Variants in DAW1 observed in about 807,000 individuals in gnomAD.
DAW1 encodes the protein dynein assembly factor with WD repeat domains 1.
Under a neutral mutation model 56.5 loss-of-function variants are expected in DAW1, and 47 were observed. The observed-to-expected ratio is 0.83, with a 90% CI of 0.66 to 1.06. The LOEUF is 1.06. Ranked by LOEUF, DAW1 falls within the 50% of genes least tolerant of loss-of-function variation. The pLI is 0.00. For synonymous variants in DAW1, 190 were observed against 179.0 expected, an observed-to-expected ratio of 1.06 and a Z score of -0.49; for missense variants, 505 against 499.3, an observed-to-expected ratio of 1.01 and a Z score of -0.11.
intron 10 of DAW1, 63 bp downstream of exon 10, chr2:227,907,315 A>G: frequency 7.5e-7 from 1 of 1,329,810 alleles, no homozygotes; most frequent in Non-Finnish European, 1.1e-6. Flanking sequence ...ATAACCATGC[A>G]TAATTCTACA....
At chr2:227,882,811 T>C (rs1002807255) in intron 1 of DAW1, among the ~76,000 whole-genome samples, 1 of 152,196 alleles carries the variant, frequency 6.6e-6, no homozygotes, top group Admixed American at 6.5e-5. Flanking sequence ...GTTTGGTAGT[T>C]CCTCCTGCAT....
intron 1 of DAW1, among the ~76,000 whole-genome samples, chr2:227,882,262 A>C (rs1020192350): frequency 6.6e-6 from 1 of 152,238 alleles, no homozygotes; most frequent in Non-Finnish European, 1.5e-5. Context: ...CTTATTTTTC[A>C]TAATAACAAT....
chr2:227,896,612 GT>G (rs1691414173), intron 5 of DAW1, among the ~76,000 whole-genome samples: 1 of 151,762 alleles, frequency 6.6e-6, no homozygotes, highest in African/African-American at 2.4e-5. Flanking sequence ...GTGTGTGTGT[GT>G]GTGTGTGTGT....
intron 4 of DAW1, among the ~76,000 whole-genome samples, chr2:227,892,543 T>G (rs1691289849): frequency 6.6e-6 from 1 of 152,240 alleles, no homozygotes; most frequent in African/African-American, 2.4e-5. Flanking sequence ...AGGGCATATA[T>G]TTCAACCCAT....
At chr2:227,906,721 T>G (rs1165720327) in intron 9 of DAW1, among the ~76,000 whole-genome samples, 1 of 152,244 alleles carries the variant, frequency 6.6e-6, no homozygotes, top group African/African-American at 2.4e-5. Flanking sequence ...TACTATGGAA[T>G]TATCATTTGT....
chr2:227,876,579 T>C, intron 1 of DAW1: 1 of 1,149,078 alleles, frequency 8.7e-7, no homozygotes, highest in Non-Finnish European at 1.1e-6. Context: ...CTTCTGCATA[T>C]AGAGCAGTTT....
chr2:227,915,357 G>A (rs1395221067), intron 10 of DAW1, among the ~76,000 whole-genome samples: 2 of 151,994 alleles, frequency 1.3e-5, no homozygotes, highest in Non-Finnish European at 2.9e-5. Flanking sequence ...CATCACTTGT[G>A]TGTCATCAAC....
chr2:227,917,150 G>A (rs373053168), intron 10 of DAW1, among the ~76,000 whole-genome samples: 20,328 of 129,724 alleles, frequency 0.16, 1,487 homozygotes, highest in Middle Eastern at 0.22. Flanking sequence ...CTATCTGTCT[G>A]TCTGTCTGTC....
intron 6 of DAW1, among the ~76,000 whole-genome samples, chr2:227,902,559 C>T (rs908233889): frequency 6.6e-6 from 1 of 152,030 alleles, no homozygotes; most frequent in African/African-American, 2.4e-5. Flanking sequence ...GGGCATGGGT[C>T]TGGGGGAACT....
At chr2:227,885,917 C>T (rs532687453) in intron 2 of DAW1, among the ~76,000 whole-genome samples, 3 of 151,834 alleles carry the variant, frequency 2.0e-5, no homozygotes, top group Non-Finnish European at 4.4e-5. Flanking sequence ...CCTTAAGCTG[C>T]GACCGTTTCT....
At chr2:227,878,363 A>G (rs982600589) in intron 1 of DAW1, among the ~76,000 whole-genome samples, 1 of 152,218 alleles carries the variant, frequency 6.6e-6, no homozygotes, top group African/African-American at 2.4e-5. Context: ...TGTTTAAAGT[A>G]TGTATCTTTC....
chr2:227,872,939 G>T (rs1202167650), intron 1 of DAW1, among the ~76,000 whole-genome samples: 1 of 152,154 alleles, frequency 6.6e-6, no homozygotes, highest in Non-Finnish European at 1.5e-5. Flanking sequence ...CTAGGAGCCA[G>T]TGGGATCTGA....
At chr2:227,907,828 G>A (rs1342501330) in intron 10 of DAW1, among the ~76,000 whole-genome samples, 3 of 152,160 alleles carry the variant, frequency 2.0e-5, no homozygotes, top group African/African-American at 4.8e-5. Flanking sequence ...GATTACAGGC[G>A]TGAGCCACCG....
chr2:227,902,427 G>A (rs1488798202), intron 6 of DAW1, among the ~76,000 whole-genome samples: 1 of 152,066 alleles, frequency 6.6e-6, no homozygotes, highest in Non-Finnish European at 1.5e-5. Flanking sequence ...AGATCTTCTG[G>A]GGGAGGGGAG....
intron 5 of DAW1, among the ~76,000 whole-genome samples, chr2:227,896,012 A>G (rs1691398740): frequency 1.3e-5 from 2 of 152,210 alleles, no homozygotes; most frequent in Admixed American, 6.5e-5. Context: ...TACAGTTAAA[A>G]AACTTGATAT....
At chr2:227,894,736 GCA>G (rs1351798637) in intron 5 of DAW1, among the ~76,000 whole-genome samples, 1 of 152,224 alleles carries the variant, frequency 6.6e-6, no homozygotes, top group Non-Finnish European at 1.5e-5. Flanking sequence ...ACAGGAGATT[GCA>G]CAGTGTCTTC....
At chr2:227,916,370 T>A (rs1283227605) in intron 10 of DAW1, among the ~76,000 whole-genome samples, 3 of 152,210 alleles carry the variant, frequency 2.0e-5, no homozygotes, top group Admixed American at 2.0e-4. Context: ...TGCCACACTA[T>A]ATGTGCAAAA....
At chr2:227,908,581 A>T (rs11685422) in intron 10 of DAW1, among the ~76,000 whole-genome samples, 1 of 151,936 alleles carries the variant, frequency 6.6e-6, no homozygotes, top group African/African-American at 2.4e-5. Flanking sequence ...TTGTGTCTGC[A>T]CTATTTCCCT....
chr2:227,890,605 A>G (rs886094560), intron 3 of DAW1, among the ~76,000 whole-genome samples: 8 of 152,222 alleles, frequency 5.3e-5, no homozygotes, highest in African/African-American at 1.7e-4. Context: ...ATTATTAGTT[A>G]TAGACTCACC....
Sources: gnomAD v4.1 joint callset for allele counts (sites outside exome capture counted in the v4.1 genomes callset) on GRCh38, gnomAD v4.1.1 for gene constraint, MANE v1.5 for transcripts, NCBI Gene and HGNC (gene_info 2026-07-23, HGNC 2026-07-21) for gene names.